SEC24B: variants seen among roughly 807,000 people sequenced by gnomAD.
SEC24B encodes the protein protein transport protein Sec24B.
SEC24B carries 45 observed loss-of-function variants against 142.8 expected under a neutral mutation model. The ratio of observed to expected loss-of-function variants is 0.32; its 90% CI spans 0.25 to 0.40. The LOEUF is 0.40. Among genes scored for constraint, SEC24B ranks in the 10% least tolerant of loss-of-function variants. The probability of loss-of-function intolerance (pLI) is 1.00; values close to 1 mark genes in which losing one functional copy is unlikely to be tolerated. For missense variants in SEC24B, 1,409 were observed against 1,526.8 expected, an observed-to-expected ratio of 0.92 and a Z score of 1.29; for synonymous variants, 574 against 568.2, an observed-to-expected ratio of 1.01 and a Z score of -0.15.
chr4:109,447,371 A>T (rs1231010716), intron 1 of SEC24B, among the ~76,000 whole-genome samples: 5 of 152,182 alleles, frequency 3.3e-5, no homozygotes, highest in Admixed American at 6.5e-5. Flanking sequence ...TCACATACTC[A>T]CTTGATCCCC....
intron 1 of SEC24B, among the ~76,000 whole-genome samples, chr4:109,439,842 C>G (rs895406402): frequency 2.0e-5 from 3 of 150,994 alleles, no homozygotes; most frequent in Admixed American, 6.6e-5. Context: ...TAAAGTAGGC[C>G]GAGCATGGTG....
chr4:109,536,370 G>A (rs1725536457), intron 22 of SEC24B, among the ~76,000 whole-genome samples: 1 of 151,950 alleles, frequency 6.6e-6, no homozygotes, highest in Non-Finnish European at 1.5e-5. Context: ...TGGAATATTA[G>A]AAAAATAATC....
intron 22 of SEC24B, among the ~76,000 whole-genome samples, chr4:109,535,846 C>T (rs1326459530): frequency 2.3e-5 from 3 of 130,448 alleles, no homozygotes; most frequent in East Asian, 4.3e-4. Context: ...AGCAAGACTC[C>T]GTCTCAAAAA....
At chr4:109,482,969 T>TACAC (rs1733901611) in intron 4 of SEC24B, among the ~76,000 whole-genome samples, 1 of 59,944 alleles carries the variant, frequency 1.7e-5, no homozygotes, top group Non-Finnish European at 3.0e-5. Context: ...TATATATATA[T>TACAC]ATATATATAT....
At chr4:109,447,352 A>G (rs1425672961) in intron 1 of SEC24B, among the ~76,000 whole-genome samples, 1 of 152,218 alleles carries the variant, frequency 6.6e-6, no homozygotes, top group Non-Finnish European at 1.5e-5. Flanking sequence ...AAAAGTTTCA[A>G]AAAAGGTATC....
At position 109,520,431 on chromosome 4, in the gene SEC24B, A is replaced by G. The variant is rs200324896; in HGVS notation, c.2192A>G (p.Asn731Ser). ...MTFDSTIHFY[N>S]LQEGLSQPQM... is the part of the protein sequence containing the mutation. ...TTTGATAGCACTATTCATTTCTACAATTTACAAGAAGGATTATCACAGCCT... is the reference window on the plus strand; with the variant it reads ...TTTGATAGCACTATTCATTTCTACAGTTTACAAGAAGGATTATCACAGCCT... Residue 731 changes from asparagine (N) to serine (S), a missense_variant, in exon 12 of 24, where the codon AAT becomes AGT. Asn to Ser is a conservative substitution (Grantham distance 46, BLOSUM62 1). Transcript: ENST00000265175. 2.0e-4 allele frequency: 321 copies of G among 1,612,326 alleles called. 1 individual carries two copies. Among genetic ancestry groups the G allele is most frequent in the Admixed American group, 4.8e-4 (29 of 59,970 alleles).
intron 14 of SEC24B, among the ~76,000 whole-genome samples, 154 bp from the exon 15 acceptor site, chr4:109,524,661 CATT>C (rs1724020714): frequency 1.3e-5 from 2 of 150,216 alleles, no homozygotes; most frequent in African/African-American, 4.9e-5. Flanking sequence ...GATTATCTAT[CATT>C]ATTATTATCA....
intron 4 of SEC24B, among the ~76,000 whole-genome samples, chr4:109,489,646 A>T (rs1734791963): frequency 6.8e-6 from 1 of 147,784 alleles, no homozygotes; most frequent in Non-Finnish European, 1.5e-5. Context: ...TATATATGAT[A>T]TATATGGTAT....
In SEC24B at chr4:109,449,735, C is replaced by A. The variant is rs74544077; in HGVS notation, c.134-13166C>A. Reference sequence around the variant, plus strand: ...TCCTGCCTTCATGACCTAATGTAAACCTGATTACCTCCCAAAGGCCCCACC... The same window carrying A: ...TCCTGCCTTCATGACCTAATGTAAAACTGATTACCTCCCAAAGGCCCCACC... On this transcript the variant is annotated intron_variant, in intron 1 of 23. Coordinates refer to ENST00000265175, the MANE Select transcript of SEC24B (RefSeq NM_006323.5). 5.3e-3 allele frequency among the ~76,000 whole-genome samples: 803 copies of A among 152,142 alleles called. 34 individuals are homozygous for A. The South Asian group carries it at 0.078, about 15-fold the overall frequency.
chr4:109,521,703 ACTG>A, intron 14 of SEC24B, 77 bp downstream of exon 14: 1 of 1,117,656 alleles, frequency 8.9e-7, no homozygotes, highest in Non-Finnish European at 1.3e-6. Flanking sequence ...ATAATAAAAT[ACTG>A]GCAAGAGAGT....
At chr4:109,483,170 T>G (rs1733993450) in intron 4 of SEC24B, among the ~76,000 whole-genome samples, 1 of 149,726 alleles carries the variant, frequency 6.7e-6, no homozygotes, top group African/African-American at 2.5e-5. Context: ...AGCTGCACCT[T>G]CCGGGTTCAC....
At chr4:109,485,586 T>G (rs1734274090) in intron 4 of SEC24B, among the ~76,000 whole-genome samples, 1 of 152,256 alleles carries the variant, frequency 6.6e-6, no homozygotes, top group African/African-American at 2.4e-5. Context: ...TCTCTATTAA[T>G]GGTTTTTTAA....
At chr4:109,524,146 C>T (rs1723962075) in intron 14 of SEC24B, among the ~76,000 whole-genome samples, 1 of 152,098 alleles carries the variant, frequency 6.6e-6, no homozygotes, top group East Asian at 1.9e-4. Flanking sequence ...TTTGTTTTCT[C>T]ATTTAACTTT....
At chr4:109,518,660 A>G (rs1723244229) in intron 11 of SEC24B, among the ~76,000 whole-genome samples, 1 of 152,168 alleles carries the variant, frequency 6.6e-6, no homozygotes, top group Admixed American at 6.6e-5. Context: ...AAGAGTTTTC[A>G]TGTTTTAATC....
At chr4:109,457,938 C>T (rs1730852192) in intron 1 of SEC24B, among the ~76,000 whole-genome samples, 1 of 152,174 alleles carries the variant, frequency 6.6e-6, no homozygotes, top group African/African-American at 2.4e-5. Flanking sequence ...TCACACTTTT[C>T]CATGTAATTT....
At chr4:109,473,771 TG>T (rs1732781187) in intron 3 of SEC24B, among the ~76,000 whole-genome samples, 1 of 152,234 alleles carries the variant, frequency 6.6e-6, no homozygotes, top group African/African-American at 2.4e-5. Flanking sequence ...TTGTTTCTTT[TG>T]GCAGTTTTTG....
intron 11 of SEC24B, among the ~76,000 whole-genome samples, chr4:109,518,059 C>T (rs1323047404): frequency 6.6e-6 from 1 of 152,060 alleles, no homozygotes; most frequent in Admixed American, 6.6e-5. Context: ...CTTCCGCCTT[C>T]TGGGTTCAAG....
At chr4:109,530,920 A>G (rs919456761) in intron 19 of SEC24B, among the ~76,000 whole-genome samples, 4 of 145,522 alleles carry the variant, frequency 2.7e-5, no homozygotes, top group African/African-American at 1.1e-4. Context: ...AAAAAAAAAA[A>G]GAAAAGATCA....
intron 4 of SEC24B, among the ~76,000 whole-genome samples, chr4:109,485,360 T>C (rs1734246791): frequency 6.6e-6 from 1 of 152,212 alleles, no homozygotes. Context: ...GTAGGCAGAA[T>C]AGAGATTCAA....
Sources: gnomAD v4.1 joint callset for allele counts (sites outside exome capture counted in the v4.1 genomes callset) on GRCh38, gnomAD v4.1.1 for gene constraint, MANE v1.5 for transcripts, NCBI Gene and HGNC (gene_info 2026-07-23, HGNC 2026-07-21) for gene names.